Variants in WDFY4 observed in about 807,000 individuals in gnomAD.
The protein encoded by WDFY4 is WD repeat- and FYVE domain-containing protein 4.
In WDFY4, 169 loss-of-function variants were observed where a neutral mutation model predicts 351.9. The observed-to-expected ratio is 0.48, with a 90% CI of 0.42 to 0.55. The LOEUF is 0.55. Among genes scored for constraint, WDFY4 ranks in the 20% least tolerant of loss-of-function variants. The pLI, the probability that WDFY4 is intolerant of heterozygous loss-of-function variation, is 0.00. For missense variants in WDFY4, 3,803 were observed against 3,935.6 expected, an observed-to-expected ratio of 0.97 and a Z score of 0.90; for synonymous variants, 1,622 against 1,574.6, an observed-to-expected ratio of 1.03 and a Z score of -0.71.
chr10:48,860,225 A>G (rs990215832), intron 39 of WDFY4, among the ~76,000 whole-genome samples: 41 of 151,618 alleles, frequency 2.7e-4, no homozygotes, highest in African/African-American at 9.0e-4. Flanking sequence ...CTTATTTTTC[A>G]CTTTTTTCTA....
At chr10:48,910,681 T>C (rs1412440138) in intron 47 of WDFY4, among the ~76,000 whole-genome samples, 4 of 152,168 alleles carry the variant, frequency 2.6e-5, no homozygotes, top group Middle Eastern at 3.2e-3. Flanking sequence ...GTCTCAATCC[T>C]GGTAAAGTTA....
In WDFY4 at chr10:48,919,867, C is replaced by CA. The variant is rs11320857; in HGVS notation, c.7586+18013dup. On this transcript the variant is annotated intron_variant, in intron 47 of 61. Transcript: ENST00000325239. Reference sequence around the variant, plus strand: ...ACTAGCAATTTGATATGATCTCTTTCAAAAAAAAATAGAATAGAGAGTGAT... The same window carrying CA: ...ACTAGCAATTTGATATGATCTCTTTCAAAAAAAAAATAGAATAGAGAGTGAT... 6.7e-3 allele frequency among the ~76,000 whole-genome samples: 1,017 copies of CA among 150,948 alleles called. 13 individuals carry two copies. Among genetic ancestry groups the CA allele is most frequent in the African/African-American group, 0.023 (944 of 41,120 alleles).
At chr10:48,913,524 A>C in intron 47 of WDFY4, 1 of 1,613,746 alleles carries the variant, frequency 6.2e-7, no homozygotes, top group South Asian at 1.1e-5. Context: ...GCATTTTCTC[A>C]GGCAAGCCGC....
At chr10:48,965,764 A>G (rs1417258651) in intron 54 of WDFY4, among the ~76,000 whole-genome samples, 3 of 8,480 alleles carry the variant, frequency 3.5e-4, no homozygotes, top group Non-Finnish European at 1.2e-3. Context: ...TAGAGTTGAA[A>G]CTTATATCTA....
intron 60 of WDFY4, among the ~76,000 whole-genome samples, chr10:48,981,154 C>T (rs2131892199): frequency 6.6e-6 from 1 of 152,334 alleles, no homozygotes; most frequent in South Asian, 2.1e-4. Context: ...GGCACGTCAG[C>T]ACATGTAACT....
chr10:48,742,110 A>G (rs2064869824), intron 11 of WDFY4, among the ~76,000 whole-genome samples: 1 of 151,562 alleles, frequency 6.6e-6, no homozygotes, highest in Admixed American at 6.6e-5. Flanking sequence ...AGTATATACC[A>G]TGCACTGGGC....
intron 51 of WDFY4, among the ~76,000 whole-genome samples, chr10:48,955,880 TC>T (rs1248989301): frequency 6.6e-6 from 1 of 152,156 alleles, no homozygotes; most frequent in African/African-American, 2.4e-5. Flanking sequence ...TGCCCCTTGT[TC>T]CACATGTGTG....
chr10:48,729,429 C>G lies in WDFY4; in HGVS notation c.972-3C>G. ...AGGGAGCTGGCCTCATCTGTTCCCC[C>G]AGGTATGATGGGCTGACCCAGAGCG... On this transcript the variant is annotated splice_polypyrimidine_tract_variant and splice_region_variant and intron_variant, in intron 7 of 61. Transcript: ENST00000325239. The G allele has an allele frequency of 1.9e-6, 3 of 1,550,584 alleles. No individual in the cohort carries two copies.
At chr10:48,775,828 G>C (rs765507076) in intron 15 of WDFY4, 22 bp downstream of exon 15, 16 of 1,542,546 alleles carry the variant, frequency 1.0e-5, no homozygotes, top group Non-Finnish European at 1.4e-5. Flanking sequence ...GGCAAGAACG[G>C]GGCAGGTTAA....
intron 47 of WDFY4, among the ~76,000 whole-genome samples, chr10:48,924,809 C>T (rs1839432502): frequency 6.6e-6 from 1 of 152,208 alleles, no homozygotes; most frequent in South Asian, 2.1e-4. Flanking sequence ...AGTTGTAAGA[C>T]CCTTGTCAAT....
At chr10:48,802,827 T>C (rs2067129798) in intron 24 of WDFY4, 2 of 475,246 alleles carry the variant, frequency 4.2e-6, no homozygotes, top group African/African-American at 4.0e-5. Context: ...AATCTGTACC[T>C]GGCTTCTATT....
At chr10:48,760,498 C>T in intron 13 of WDFY4, 58 bp downstream of exon 13, 2 of 1,508,892 alleles carry the variant, frequency 1.3e-6, no homozygotes, top group Non-Finnish European at 1.8e-6. Flanking sequence ...CTCTCAAATG[C>T]CTTCTGACCC....
intron 47 of WDFY4, chr10:48,914,051 G>A (rs752567232): frequency 3.1e-6 from 5 of 1,614,058 alleles, no homozygotes; most frequent in Admixed American, 1.7e-5. Context: ...TTCCCATCTT[G>A]CTCAAGTCAA....
rs1341850194 is a variant in WDFY4 at position 48,882,471 on chromosome 10, G to C, written c.7167+5272G>C. 2.6e-5 allele frequency among the ~76,000 whole-genome samples: 4 copies of C among 152,200 alleles called. 1 individual carries two copies. Among genetic ancestry groups the C allele is most frequent in the Non-Finnish European group, 4.4e-5 (3 of 68,038 alleles). ...TCTCATTCAGCCTCACCATGGTCCT[G>C]TGAGGCAGGTGTGTTAGTCCATTTG... On this transcript the variant is annotated intron_variant, in intron 43 of 61. Transcript: ENST00000325239.
At chr10:48,979,470 G>A (rs1842714349) in intron 60 of WDFY4, among the ~76,000 whole-genome samples, 1 of 152,160 alleles carries the variant, frequency 6.6e-6, no homozygotes, top group South Asian at 2.1e-4. Context: ...GAAGCTATTG[G>A]GGCCCAGTAA....
At chr10:48,795,390 G>C (rs2940704) in intron 23 of WDFY4, among the ~76,000 whole-genome samples, 1 of 150,134 alleles carries the variant, frequency 6.7e-6, no homozygotes, top group Non-Finnish European at 1.5e-5. Context: ...ATTTGACACT[G>C]TTTGATGTAA....
At chr10:48,891,672 C>T (rs575682808) in intron 44 of WDFY4, among the ~76,000 whole-genome samples, 15 of 152,306 alleles carry the variant, frequency 9.8e-5, no homozygotes, top group African/African-American at 3.6e-4. Flanking sequence ...TCCTGCCCCA[C>T]CCTAGTTTCT....
At chr10:48,864,639 T>C (rs1179529043) in intron 39 of WDFY4, among the ~76,000 whole-genome samples, 2 of 152,218 alleles carry the variant, frequency 1.3e-5, no homozygotes, top group Admixed American at 6.5e-5. Flanking sequence ...TGGAATTTGA[T>C]AGGGATTGTT....
intron 39 of WDFY4, among the ~76,000 whole-genome samples, chr10:48,837,551 C>T (rs1026522035): frequency 2.0e-5 from 3 of 152,046 alleles, no homozygotes; most frequent in Non-Finnish European, 2.9e-5. Context: ...TAGTGAACAG[C>T]GATAACACAC....
Sources: allele counts gnomAD v4.1 joint callset (sites outside exome capture counted in the v4.1 genomes callset), GRCh38; gene constraint gnomAD v4.1.1; transcripts MANE v1.5; gene names NCBI Gene and HGNC (gene_info 2026-07-23, HGNC 2026-07-21).